The following NTM variants were observed in gnomAD, a reference collection of about 807,000 sequenced individuals.
The protein encoded by NTM is neurotrimin, also known as IgLON family member 2.
NTM carries 13 observed loss-of-function variants against 42.1 expected under a neutral mutation model. The observed-to-expected ratio is 0.31, with a 90% confidence interval of 0.20 to 0.49. The LOEUF (loss-of-function observed/expected upper bound fraction) is 0.49, where lower values mean the gene tolerates loss of function less well. Among genes scored for constraint, NTM ranks in the 20% least tolerant of loss-of-function variants. The pLI, the probability that NTM is intolerant of heterozygous loss-of-function variation, is 0.99. For synonymous variants in NTM, 187 were observed against 179.2 expected, an observed-to-expected ratio of 1.04 and a Z score of -0.35; for missense variants, 373 against 452.8, an observed-to-expected ratio of 0.82 and a Z score of 1.60.
chr11:131,866,674 C>G (rs12287321), intron 1 of NTM, among the ~76,000 whole-genome samples: 5 of 152,144 alleles, frequency 3.3e-5, no homozygotes, highest in Admixed American at 6.5e-5. Flanking sequence ...GAAACACCCT[C>G]GGATTATTTT....
intron 1 of NTM, among the ~76,000 whole-genome samples, chr11:131,435,102 A>T (rs1479009628): frequency 6.6e-6 from 1 of 151,868 alleles, no homozygotes; most frequent in Admixed American, 6.6e-5. Flanking sequence ...ATGGTTGTAG[A>T]TGTGTGGTGT....
chr11:132,038,871 G>C (rs2076829037), intron 2 of NTM, among the ~76,000 whole-genome samples: 1 of 152,120 alleles, frequency 6.6e-6, no homozygotes, highest in Non-Finnish European at 1.5e-5. Flanking sequence ...CTCTCCTTCA[G>C]CGTGGAGCCT....
chr11:131,957,525 C>G (rs1224565644), intron 2 of NTM, among the ~76,000 whole-genome samples: 1 of 152,208 alleles, frequency 6.6e-6, no homozygotes, highest in African/African-American at 2.4e-5. Flanking sequence ...AAACCTCTCC[C>G]TGCACCACTG....
intron 1 of NTM, among the ~76,000 whole-genome samples, chr11:131,512,572 G>A (rs547318685): frequency 2.0e-5 from 3 of 152,270 alleles, no homozygotes; most frequent in East Asian, 3.9e-4. Context: ...CCTCTCTACT[G>A]CCCTCAGTTT....
intron 1 of NTM, among the ~76,000 whole-genome samples, chr11:131,766,931 C>T (rs1302782739): frequency 6.6e-6 from 1 of 152,082 alleles, no homozygotes; most frequent in Non-Finnish European, 1.5e-5. Flanking sequence ...TAGGATATTT[C>T]CCGTCCTTTT....
intron 2 of NTM, among the ~76,000 whole-genome samples, chr11:131,996,449 A>G (rs1002785870): frequency 6.6e-6 from 1 of 152,168 alleles, no homozygotes; most frequent in Non-Finnish European, 1.5e-5. Context: ...GCCACTGTGC[A>G]GTTCCCTCTA....
At chr11:131,470,862 G>T (rs1394400291) in intron 1 of NTM, among the ~76,000 whole-genome samples, 1 of 152,216 alleles carries the variant, frequency 6.6e-6, no homozygotes, top group Non-Finnish European at 1.5e-5. Flanking sequence ...AGGCAGAGAA[G>T]TGATGCCTAT....
intron 3 of NTM, among the ~76,000 whole-genome samples, chr11:132,149,071 G>A (rs912174286): frequency 6.6e-6 from 1 of 152,062 alleles, no homozygotes; most frequent in Non-Finnish European, 1.5e-5. Flanking sequence ...ATCCGCTGTC[G>A]ATATGCCTGG....
chr11:131,654,688 G>T (rs952816760), intron 1 of NTM, among the ~76,000 whole-genome samples: 10 of 151,924 alleles, frequency 6.6e-5, no homozygotes, highest in African/African-American at 2.2e-4. Context: ...CTGTTAGTTC[G>T]CCTGAGATCT....
intron 3 of NTM, among the ~76,000 whole-genome samples, chr11:132,210,815 G>A (rs3099763): frequency 0.45 from 67,661 of 152,042 alleles, 15,499 homozygotes; most frequent in Middle Eastern, 0.57. Context: ...TAAGCACATG[G>A]AGGAGCACAA....
intron 2 of NTM, among the ~76,000 whole-genome samples, chr11:132,092,408 G>T (rs1032420649): frequency 3.4e-4 from 52 of 152,256 alleles, no homozygotes; most frequent in African/African-American, 1.2e-3. Flanking sequence ...TTCTTTCCAA[G>T]GGGGAACTTT....
intron 2 of NTM, among the ~76,000 whole-genome samples, chr11:132,109,940 T>G: frequency 6.6e-6 from 1 of 152,196 alleles, no homozygotes; most frequent in Admixed American, 6.5e-5. Flanking sequence ...TCTCCCCTCT[T>G]CTGTCCCCCA....
intron 1 of NTM, among the ~76,000 whole-genome samples, chr11:131,530,102 C>T (rs186870092): frequency 5.0e-4 from 76 of 152,288 alleles, no homozygotes; most frequent in East Asian, 4.3e-3. Context: ...TCCTTCCACA[C>T]GTCAGATAGA....
At position 131,407,561 on chromosome 11, in the gene NTM, G is replaced by A. The variant is rs569092363; in HGVS notation, c.82+36673G>A. ...CCAGGGGAGGAGGAGGCTGAAGAAA[G>A]GGAAGAGCCACAGAAAGGCTGAAAG... is the stretch of plus-strand genomic sequence containing the variant. On this transcript the variant is annotated intron_variant, in intron 1 of 8. Coordinates refer to ENST00000683400, the MANE Select transcript of NTM (RefSeq NM_001352005.2). Among the ~76,000 whole-genome samples the A allele has an allele frequency of 3.3e-5, 5 of 152,316 alleles. No individual in the cohort carries two copies. The South Asian group carries it at 8.3e-4, about 25-fold the overall frequency.
intron 2 of NTM, among the ~76,000 whole-genome samples, chr11:132,027,267 G>A (rs1052537949): frequency 3.9e-5 from 6 of 152,182 alleles, no homozygotes; most frequent in Admixed American, 6.5e-5. Flanking sequence ...ATGAATTTGT[G>A]CTGATTGTCT....
At chr11:131,635,828 C>T (rs1386786443) in intron 1 of NTM, among the ~76,000 whole-genome samples, 1 of 152,080 alleles carries the variant, frequency 6.6e-6, no homozygotes, top group Non-Finnish European at 1.5e-5. Context: ...TAGTAAGTGC[C>T]CTATACAGGG....
At chr11:131,586,237 C>T (rs1395561667) in intron 1 of NTM, among the ~76,000 whole-genome samples, 1 of 152,192 alleles carries the variant, frequency 6.6e-6, no homozygotes. Flanking sequence ...TCCCAAGTAG[C>T]TGGGACCACA....
intron 2 of NTM, among the ~76,000 whole-genome samples, chr11:131,969,260 A>G (rs1313500642): frequency 6.6e-6 from 1 of 152,172 alleles, no homozygotes; most frequent in Non-Finnish European, 1.5e-5. Flanking sequence ...GTGAGCACCA[A>G]GAAATACTAG....
At chr11:131,567,569 AT>A (rs1471690694) in intron 1 of NTM, among the ~76,000 whole-genome samples, 3 of 152,200 alleles carry the variant, frequency 2.0e-5, no homozygotes, top group Non-Finnish European at 4.4e-5. Context: ...GACGTGTCCT[AT>A]TGGAAGCATT....
Sources: allele counts gnomAD v4.1 joint callset (sites outside exome capture counted in the v4.1 genomes callset), GRCh38; gene constraint gnomAD v4.1.1; transcripts MANE v1.5; gene names NCBI Gene and HGNC (gene_info 2026-07-23, HGNC 2026-07-21).